The following PRTG variants were observed in gnomAD, a reference collection of about 807,000 sequenced individuals.
PRTG encodes the protein protogenin.
Under a neutral mutation model 122.5 loss-of-function variants are expected in PRTG, and 67 were observed. The ratio of observed to expected loss-of-function variants is 0.55; its 90% CI spans 0.45 to 0.67. The LOEUF (loss-of-function observed/expected upper bound fraction) is 0.67, where lower values mean the gene tolerates loss of function less well. Ranked by LOEUF, PRTG falls within the 30% of genes least tolerant of loss-of-function variation. The probability of loss-of-function intolerance (pLI) is 0.00; values close to 1 mark genes in which losing one functional copy is unlikely to be tolerated. For missense variants in PRTG, 1,435 were observed against 1,415.4 expected (o/e 1.01, Z -0.22); for synonymous variants, 554 against 501.1 (o/e 1.11, Z -1.41).
intron 2 of PRTG, among the ~76,000 whole-genome samples, chr15:55,685,826 G>C (rs16976472): frequency 0.25 from 37,270 of 151,972 alleles, 5,324 homozygotes; most frequent in East Asian, 0.58. Context: ...ACCACTCTTA[G>C]AATATCAAAC....
At chr15:55,666,960 T>C (rs1211932117) in intron 11 of PRTG, among the ~76,000 whole-genome samples, 1 of 152,178 alleles carries the variant, frequency 6.6e-6, no homozygotes, top group Non-Finnish European at 1.5e-5. Context: ...ACAAGAAACT[T>C]ATTTGACTGA....
chr15:55,739,910 A>C (rs1441635006), intron 2 of PRTG, among the ~76,000 whole-genome samples: 1 of 152,226 alleles, frequency 6.6e-6, no homozygotes, highest in Non-Finnish European at 1.5e-5. Context: ...CATACAATTA[A>C]AAGGCAACAT....
At position 55,620,174 on chromosome 15, in the gene PRTG, C is replaced by G. The variant is rs1255692930; in HGVS notation, c.3291G>C (p.Gln1097His). The G allele has an allele frequency of 1.2e-6, 2 of 1,614,104 alleles. No individual in the cohort carries two copies. The highest frequency in any genetic ancestry group is 1.7e-6 in the Non-Finnish European group (2 of 1,180,040). The change falls in exon 20 of 20, where the codon CAG (glutamine) becomes CAC (histidine). Residue 1097 changes from glutamine (Q) to histidine (H), a missense_variant. Physicochemically the swap from Gln to His is conservative, Grantham distance 24 (BLOSUM62 0). Coordinates refer to ENST00000389286, the MANE Select transcript of PRTG (RefSeq NM_173814.6). ...CAAAGGGTCTTGAGAAGCTGGTTGT[C>G]TGACCTGGGGAGCTAGGGGAGTCTT... is the stretch of plus-strand genomic sequence containing the variant. Reference protein sequence around the residue: ...SDEDSPSSPGQTTSFSRPFGV... With the variant: ...SDEDSPSSPGHTTSFSRPFGV...
intron 2 of PRTG, 138 bp downstream of exon 2, chr15:55,740,244 C>T: frequency 1.4e-6 from 1 of 728,930 alleles, no homozygotes; most frequent in Non-Finnish European, 2.2e-6. Flanking sequence ...TCTCTATATG[C>T]CTCAGTTAGC....
At chr15:55,740,234 T>A (rs2141898045) in intron 2 of PRTG, 148 bp downstream of exon 2, 1 of 668,730 alleles carries the variant, frequency 1.5e-6, no homozygotes, top group East Asian at 2.8e-5. Flanking sequence ...TTTTCAGATT[T>A]CTCTATATGC....
At chr15:55,634,020 C>G (rs905015102) in intron 15 of PRTG, among the ~76,000 whole-genome samples, 24 of 147,608 alleles carry the variant, frequency 1.6e-4, no homozygotes, top group African/African-American at 5.5e-4. Flanking sequence ...TCCAAAATTA[C>G]AAATGAATAC....
At chr15:55,705,837 T>A (rs1056416482) in intron 2 of PRTG, among the ~76,000 whole-genome samples, 1 of 148,898 alleles carries the variant, frequency 6.7e-6, no homozygotes. Context: ...TTAGCCCAAA[T>A]AAATCTACTT....
At chr15:55,726,686 C>T (rs2031044215) in intron 2 of PRTG, among the ~76,000 whole-genome samples, 1 of 150,966 alleles carries the variant, frequency 6.6e-6, no homozygotes, top group South Asian at 2.1e-4. Context: ...AGTATTTTCT[C>T]CAAACACAAT....
chr15:55,639,983 C>T, intron 12 of PRTG, 155 bp from the exon 13 acceptor site: 1 of 983,542 alleles, frequency 1.0e-6, no homozygotes, highest in South Asian at 4.7e-5. Context: ...ATCATCCAAA[C>T]CTAAACAGCT....
At chr15:55,735,733 A>AAAAG (rs1407407974) in intron 2 of PRTG, among the ~76,000 whole-genome samples, 21 of 151,650 alleles carry the variant, frequency 1.4e-4, no homozygotes, top group African/African-American at 5.1e-4. Context: ...AAAAAAAAAA[A>AAAAG]AAAAAAATTC....
intron 2 of PRTG, among the ~76,000 whole-genome samples, chr15:55,740,000 G>A (rs1223924505): frequency 1.3e-5 from 2 of 152,200 alleles, no homozygotes; most frequent in Non-Finnish European, 2.9e-5. Flanking sequence ...CTGCAAAGCA[G>A]AACAATTTGC....
intron 15 of PRTG, among the ~76,000 whole-genome samples, chr15:55,629,626 T>G (rs1194388177): frequency 6.6e-6 from 1 of 151,974 alleles, no homozygotes; most frequent in Admixed American, 6.6e-5. Context: ...TCCCCAGTAG[T>G]TGGGACTACG....
At chr15:55,708,232 C>A (rs1000085823) in intron 2 of PRTG, among the ~76,000 whole-genome samples, 6 of 135,154 alleles carry the variant, frequency 4.4e-5, no homozygotes, top group African/African-American at 1.7e-4. Flanking sequence ...TGGAATGGAA[C>A]AGATAAAGGG....
chr15:55,739,089 T>C (rs1442121098), intron 2 of PRTG, among the ~76,000 whole-genome samples: 1 of 152,106 alleles, frequency 6.6e-6, no homozygotes, highest in Non-Finnish European at 1.5e-5. Context: ...TATCTTTGCT[T>C]GCAATTTATT....
At chr15:55,667,373 T>A (rs2059444760) in intron 11 of PRTG, among the ~76,000 whole-genome samples, 1 of 151,942 alleles carries the variant, frequency 6.6e-6, no homozygotes. Context: ...AGTAGCAGGA[T>A]TTTTTTTAGA....
In PRTG at chr15:55,641,266, T is replaced by A. The variant is rs571633349; in HGVS notation, c.2042-58A>T. ...CAGGTCTCTAGATCTGAGCAAAGGT[T>A]CTGAATGAAGCCTTTATAGATTTTG... On this transcript the variant is annotated intron_variant, in intron 11 of 19. Coordinates refer to ENST00000389286, the MANE Select transcript of PRTG (RefSeq NM_173814.6). The A allele has an allele frequency of 8.7e-6, 11 of 1,268,972 alleles. 1 individual carries two copies. The South Asian group carries it at 1.1e-4, about 13-fold the overall frequency. The allele number at this position is 1,268,972 out of a possible 1,614,324, so 78.6% of individuals were successfully genotyped here.
intron 15 of PRTG, among the ~76,000 whole-genome samples, chr15:55,630,371 C>G (rs1257220468): frequency 6.6e-6 from 1 of 152,148 alleles, no homozygotes; most frequent in Non-Finnish European, 1.5e-5. Context: ...AATCTGCCCA[C>G]CTCGGCCTCC....
chr15:55,715,774 T>G (rs1460564142), intron 2 of PRTG, among the ~76,000 whole-genome samples: 2 of 152,118 alleles, frequency 1.3e-5, no homozygotes, highest in African/African-American at 4.8e-5. Context: ...TAAAAGAAAC[T>G]AAAAAAGCAA....
intron 11 of PRTG, among the ~76,000 whole-genome samples, chr15:55,644,157 C>G (rs1026214337): frequency 3.3e-5 from 5 of 152,166 alleles, no homozygotes; most frequent in African/African-American, 1.2e-4. Context: ...CTTCTTCATT[C>G]TGTCTCTACT....
Sources: allele counts gnomAD v4.1 joint callset (sites outside exome capture counted in the v4.1 genomes callset), GRCh38; gene constraint gnomAD v4.1.1; transcripts MANE v1.5; gene names NCBI Gene and HGNC (gene_info 2026-07-23, HGNC 2026-07-21).